The following CBLN2 variants were observed in gnomAD, a reference collection of about 807,000 sequenced individuals.
The protein encoded by CBLN2 is cerebellin 2 precursor, also known as cerebellin-2.
CBLN2 carries 7 observed loss-of-function variants against 15.0 expected under a neutral mutation model. The observed-to-expected ratio is 0.47, with a 90% confidence interval of 0.27 to 0.88. CBLN2 has a LOEUF of 0.88. Ranked by LOEUF, CBLN2 falls within the 40% of genes least tolerant of loss-of-function variation. CBLN2 has a pLI of 0.14. For missense variants in CBLN2, 242 were observed against 304.5 expected, an observed-to-expected ratio of 0.79 and a Z score of 1.53; for synonymous variants, 149 against 135.2, an observed-to-expected ratio of 1.10 and a Z score of -0.71.
At chr18:72,571,840 C>T (rs1184001750) in intron 1 of CBLN2, among the ~76,000 whole-genome samples, 3 of 152,128 alleles carry the variant, frequency 2.0e-5, no homozygotes, top group Non-Finnish European at 4.4e-5. Flanking sequence ...ATCTTAATCT[C>T]GAGAGACGAT....
intron 1 of CBLN2, among the ~76,000 whole-genome samples, chr18:72,616,162 C>G (rs188656538): frequency 3.3e-5 from 5 of 152,252 alleles, no homozygotes; most frequent in Admixed American, 2.6e-4. Context: ...CAATGTTTTG[C>G]ATTCCAGAAA....
chr18:72,626,024 G>A (rs7505305), intron 1 of CBLN2, among the ~76,000 whole-genome samples: 6 of 151,310 alleles, frequency 4.0e-5, no homozygotes, highest in Non-Finnish European at 7.4e-5. Context: ...TGCCCGTCAC[G>A]CCCCAGCCTT....
intron 1 of CBLN2, among the ~76,000 whole-genome samples, chr18:72,554,577 A>G (rs1294476520): frequency 1.4e-5 from 2 of 147,566 alleles, no homozygotes; most frequent in African/African-American, 2.7e-5. Flanking sequence ...ATATTTGTCA[A>G]TTAAACATCT....
At chr18:72,623,473 T>A (rs1185011844) in intron 1 of CBLN2, among the ~76,000 whole-genome samples, 1 of 152,148 alleles carries the variant, frequency 6.6e-6, no homozygotes, top group Non-Finnish European at 1.5e-5. Context: ...TCATTTGTAC[T>A]TGATTTGAAG....
chr18:72,603,777 A>T (rs140174842), intron 1 of CBLN2, among the ~76,000 whole-genome samples: 1 of 152,302 alleles, frequency 6.6e-6, no homozygotes, highest in African/African-American at 2.4e-5. Flanking sequence ...TACAACCTAA[A>T]CTTAATTATA....
intron 3 of CBLN2, among the ~76,000 whole-genome samples, chr18:72,541,002 G>A (rs2069105425): frequency 6.6e-6 from 1 of 152,210 alleles, no homozygotes; most frequent in African/African-American, 2.4e-5. Flanking sequence ...GACACAAAAA[G>A]AAGGTCATAG....
chr18:72,621,911 G>A (rs1036936507), intron 1 of CBLN2, among the ~76,000 whole-genome samples: 9 of 152,168 alleles, frequency 5.9e-5, no homozygotes, highest in African/African-American at 4.8e-5. Flanking sequence ...CTGAGAAACC[G>A]ATGGATTCAT....
intron 1 of CBLN2, among the ~76,000 whole-genome samples, chr18:72,622,160 A>C (rs1330052397): frequency 1.3e-5 from 2 of 152,180 alleles, no homozygotes; most frequent in Non-Finnish European, 2.9e-5. Context: ...CTCTTTGCCC[A>C]ACACTCTCAG....
At chr18:72,560,411 A>C (rs1432680151) in intron 1 of CBLN2, among the ~76,000 whole-genome samples, 1 of 152,234 alleles carries the variant, frequency 6.6e-6, no homozygotes, top group African/African-American at 2.4e-5. Flanking sequence ...GAATTTCCAA[A>C]GCCTTCAAAG....
chr18:72,601,746 C>G (rs1002021952), intron 1 of CBLN2, among the ~76,000 whole-genome samples: 1 of 152,176 alleles, frequency 6.6e-6, no homozygotes, highest in Non-Finnish European at 1.5e-5. Context: ...CCAGGCCTCT[C>G]CTGCCTGGGC....
At chr18:72,577,228 T>C (rs1043081149) in intron 1 of CBLN2, among the ~76,000 whole-genome samples, 1 of 151,458 alleles carries the variant, frequency 6.6e-6, no homozygotes, top group Non-Finnish European at 1.5e-5. Context: ...ATGTTAACAA[T>C]GGTTATCTGT....
chr18:72,618,422 G>C, intron 1 of CBLN2: 1 of 614,962 alleles, frequency 1.6e-6, no homozygotes, highest in East Asian at 3.3e-5. Flanking sequence ...CAAACACCAA[G>C]AGCTCCAGGA....
intron 1 of CBLN2, among the ~76,000 whole-genome samples, chr18:72,600,360 G>A (rs1255462904): frequency 1.3e-5 from 2 of 152,170 alleles, no homozygotes; most frequent in Non-Finnish European, 2.9e-5. Context: ...ATTCATATAG[G>A]AATGGGGCAG....
chr18:72,591,961 G>T (rs1322066745), intron 1 of CBLN2, among the ~76,000 whole-genome samples: 2 of 152,092 alleles, frequency 1.3e-5, no homozygotes, highest in African/African-American at 4.8e-5. Flanking sequence ...AATAAACATA[G>T]GCGTATAGAT....
upstream of CBLN2, among the ~76,000 whole-genome samples, chr18:72,546,548 A>G (rs539629899): frequency 2.6e-5 from 4 of 152,242 alleles, no homozygotes; most frequent in South Asian, 6.2e-4. Flanking sequence ...AAGTTTTTCT[A>G]GTTATCTCAG....
upstream of CBLN2, among the ~76,000 whole-genome samples, chr18:72,544,923 T>C (rs2069147514): frequency 6.6e-6 from 1 of 151,718 alleles, no homozygotes; most frequent in Non-Finnish European, 1.5e-5. Flanking sequence ...TAAAACATGG[T>C]TAAAAAATAC....
At chr18:72,579,467 C>A (rs2069388833) in intron 1 of CBLN2, among the ~76,000 whole-genome samples, 1 of 151,998 alleles carries the variant, frequency 6.6e-6, no homozygotes, top group Admixed American at 6.6e-5. Flanking sequence ...ACTAGTAATA[C>A]CACGCCTGTA....
At chr18:72,588,906 G>C (rs1033718903) in intron 1 of CBLN2, among the ~76,000 whole-genome samples, 18 of 152,332 alleles carry the variant, frequency 1.2e-4, no homozygotes, top group East Asian at 9.6e-4. Flanking sequence ...GGAAGGAAAA[G>C]TGCGCGGAGA....
At chr18:72,591,298 A>T (rs776974300) in intron 1 of CBLN2, among the ~76,000 whole-genome samples, 1 of 152,200 alleles carries the variant, frequency 6.6e-6, no homozygotes, top group Non-Finnish European at 1.5e-5. Context: ...TAAAAAGGAA[A>T]TTCCTAACAA....
Sources: allele counts gnomAD v4.1 joint callset (sites outside exome capture counted in the v4.1 genomes callset), GRCh38; gene constraint gnomAD v4.1.1; transcripts MANE v1.5; gene names NCBI Gene and HGNC (gene_info 2026-07-23, HGNC 2026-07-21).